The following EIF4EBP2 variants were observed in gnomAD, a reference collection of about 807,000 sequenced individuals.
EIF4EBP2 encodes eukaryotic translation initiation factor 4E-binding protein 2.
Under a neutral mutation model 10.3 loss-of-function variants are expected in EIF4EBP2, and 5 were observed. The observed-to-expected ratio is 0.48, with a 90% CI of 0.25 to 1.02. The LOEUF (loss-of-function observed/expected upper bound fraction) is 1.02, where lower values mean the gene tolerates loss of function less well. EIF4EBP2 is among the 50% of genes least tolerant of loss of function. The pLI, the probability that EIF4EBP2 is intolerant of heterozygous loss-of-function variation, is 0.15. For missense variants in EIF4EBP2, 188 were observed against 162.2 expected, an observed-to-expected ratio of 1.16 and a Z score of -0.86; for synonymous variants, 67 against 61.1, an observed-to-expected ratio of 1.10 and a Z score of -0.45.
intron 2 of EIF4EBP2, 66 bp downstream of exon 2, chr10:70,420,165 A>G: frequency 6.9e-7 from 1 of 1,446,714 alleles, no homozygotes; most frequent in South Asian, 1.4e-5. Context: ...TGTTTGCTGT[A>G]GGTTGAGAAG....
chr10:70,407,525 G>C (rs544599894), intron 1 of EIF4EBP2, among the ~76,000 whole-genome samples: 18 of 152,232 alleles, frequency 1.2e-4, no homozygotes, highest in African/African-American at 4.3e-4. Context: ...TTTCTACACA[G>C]ACACGGCAAC....
intron 1 of EIF4EBP2, among the ~76,000 whole-genome samples, chr10:70,410,553 T>TC (rs1446275689): frequency 6.6e-6 from 1 of 152,234 alleles, no homozygotes; most frequent in Non-Finnish European, 1.5e-5. Flanking sequence ...ATCCAGAGTC[T>TC]CCATGAAGAA....
chr10:70,419,267 T>A (rs1191109093), intron 1 of EIF4EBP2, among the ~76,000 whole-genome samples: 3 of 152,232 alleles, frequency 2.0e-5, no homozygotes, highest in African/African-American at 7.2e-5. Context: ...CATAACTGTT[T>A]ATCAGTTAAA....
chr10:70,408,975 A>G (rs554174211), intron 1 of EIF4EBP2, among the ~76,000 whole-genome samples: 1 of 152,368 alleles, frequency 6.6e-6, no homozygotes, highest in African/African-American at 2.4e-5. Flanking sequence ...AGGGTCACAT[A>G]CATGTCAGAG....
In EIF4EBP2 at chr10:70,404,401, C is replaced by CATGT; in HGVS notation, c.1_4dup (p.Ser2TyrfsTer33). The CATGT allele has an allele frequency of 6.3e-7, 1 of 1,580,362 alleles. No homozygotes were observed. Among genetic ancestry groups the CATGT allele is most frequent in the South Asian group, 1.1e-5 (1 of 87,760 alleles). ...AAAGCCGAGAGCCCGCGCCCACAGC[C>CATGT]ATGTCCTCGTCAGCCGGCAGCGGCC... On this transcript the variant is annotated 5_prime_UTR_variant, in exon 1 of 3. It adds an upstream start codon to the 5' untranslated region. Coordinates refer to ENST00000373218, the MANE Select transcript of EIF4EBP2 (RefSeq NM_004096.5).
At chr10:70,413,071 A>G (rs1845060960) in intron 1 of EIF4EBP2, among the ~76,000 whole-genome samples, 1 of 152,202 alleles carries the variant, frequency 6.6e-6, no homozygotes, top group African/African-American at 2.4e-5. Flanking sequence ...ACATTAGACA[A>G]TACTGTTAAC....
At chr10:70,420,229 T>A in intron 2 of EIF4EBP2, 130 bp downstream of exon 2, 1 of 884,302 alleles carries the variant, frequency 1.1e-6, no homozygotes, top group Non-Finnish European at 1.6e-6. Context: ...AGACACAGTC[T>A]CATTCTGTCA....
chr10:70,415,010 A>AT (rs1412406783), intron 1 of EIF4EBP2, among the ~76,000 whole-genome samples: 1 of 151,032 alleles, frequency 6.6e-6, no homozygotes, highest in Non-Finnish European at 1.5e-5. Flanking sequence ...TACAAAAATT[A>AT]TTTTTTTCTG....
chr10:70,418,374 A>G (rs1477793410), intron 1 of EIF4EBP2, among the ~76,000 whole-genome samples: 1 of 152,184 alleles, frequency 6.6e-6, no homozygotes, highest in Admixed American at 6.5e-5. Flanking sequence ...AAGCTGACTG[A>G]GTCATAGTAG....
chr10:70,414,505 G>A (rs1158141460), intron 1 of EIF4EBP2, among the ~76,000 whole-genome samples: 1 of 152,130 alleles, frequency 6.6e-6, no homozygotes, highest in African/African-American at 2.4e-5. Context: ...TCTTAGGAAT[G>A]CATTAAAAAA....
In EIF4EBP2 at chr10:70,406,157, A is replaced by AT. The variant is rs752264769; in HGVS notation, c.145+1615dup. Among the ~76,000 whole-genome samples, 7 of 152,062 alleles carry AT rather than the reference A, an allele frequency of 4.6e-5. No individual in the cohort carries two copies. In the South Asian group the frequency reaches 6.2e-4, roughly 14 times the overall value. ...CACCACGCCTGGCTAATTTTTTTGT[A>AT]TTTTGGTAGAGTCTGGGTTTCTCCA... is the stretch of plus-strand genomic sequence containing the variant. On this transcript the variant is annotated intron_variant, in intron 1 of 2. Coordinates refer to ENST00000373218, the MANE Select transcript of EIF4EBP2 (RefSeq NM_004096.5).
intron 1 of EIF4EBP2, among the ~76,000 whole-genome samples, chr10:70,419,709 G>A (rs1345433125): frequency 1.3e-5 from 2 of 152,092 alleles, no homozygotes; most frequent in Non-Finnish European, 2.9e-5. Context: ...GGATCAACAG[G>A]AGTGTCCCTG....
rs528181703 is a variant in EIF4EBP2, at chr10:70,421,015, T to C, written c.332-701T>C. Among the ~76,000 whole-genome samples the C allele has an allele frequency of 2.0e-5, 3 of 152,200 alleles. No individual in the cohort carries two copies. In the South Asian group the frequency reaches 6.2e-4, roughly 32 times the overall value. On this transcript the variant is annotated intron_variant, in intron 2 of 2. Coordinates refer to ENST00000373218, the MANE Select transcript of EIF4EBP2 (RefSeq NM_004096.5). ...TTTCACCATGTTAGCCAGGATGGTCTCGATCTCCTGACCTCGTGATCCGCC... is the reference window on the plus strand; with the variant it reads ...TTTCACCATGTTAGCCAGGATGGTCCCGATCTCCTGACCTCGTGATCCGCC...
At chr10:70,418,323 G>GT (rs1199037203) in intron 1 of EIF4EBP2, among the ~76,000 whole-genome samples, 1 of 152,228 alleles carries the variant, frequency 6.6e-6, no homozygotes, top group Non-Finnish European at 1.5e-5. Flanking sequence ...AATTTCTGTT[G>GT]TTTAAGTTGT....
chr10:70,418,691 T>C (rs376072606), intron 1 of EIF4EBP2, among the ~76,000 whole-genome samples: 186 of 152,332 alleles, frequency 1.2e-3, no homozygotes, highest in African/African-American at 4.4e-3. Flanking sequence ...TTGAACTAAG[T>C]TTTGTGCTAC....
In EIF4EBP2 at chr10:70,427,324, C is replaced by T. The variant is rs1405431676; in HGVS notation, c.*5577C>T. 6.6e-6 allele frequency: 1 copy of T among 152,178 alleles called. No individual in the cohort carries two copies. The highest frequency in any genetic ancestry group is 1.5e-5 in the Non-Finnish European group (1 of 68,046). 9.4% of individuals were successfully genotyped at this position (152,178 alleles called of 1,614,324 possible). ...GTTATCCCTACAGTTCTTTAACTCT[C>T]AGCTTTTAATAAAAGATGAAATCAG... On this transcript the variant is annotated 3_prime_UTR_variant, in exon 3 of 3. Transcript: ENST00000373218.
At chr10:70,408,681 G>A (rs72809253) in intron 1 of EIF4EBP2, among the ~76,000 whole-genome samples, 1,828 of 152,254 alleles carry the variant, frequency 0.012, 13 homozygotes, top group Middle Eastern at 0.031. Flanking sequence ...GTTAGGTATC[G>A]TTAGTAAATT....
chr10:70,423,465 G>T lies in EIF4EBP2; in HGVS notation c.*1718G>T, dbSNP rs568190495. 1 of 152,512 alleles carries T rather than the reference G, an allele frequency of 6.6e-6. No homozygotes were observed. The highest frequency in any genetic ancestry group is 6.6e-5 in the Admixed American group (1 of 15,266). 9.4% of individuals were successfully genotyped at this position (152,512 alleles called of 1,614,324 possible). A position where few individuals can be genotyped will look rare whatever the true frequency, so the allele number is the denominator to read the frequency against. The stretch of plus-strand genomic sequence containing the variant: ...GGCTGTTGAGCAGCATAATAATCCC[G>T]GGAGAATGATTCCCCTCATAGAAAG... On this transcript the variant is annotated 3_prime_UTR_variant, in exon 3 of 3. Coordinates refer to ENST00000373218, the MANE Select transcript of EIF4EBP2 (RefSeq NM_004096.5).
chr10:70,404,830 C>G (rs886214261), intron 1 of EIF4EBP2, among the ~76,000 whole-genome samples: 1 of 152,262 alleles, frequency 6.6e-6, no homozygotes, highest in Non-Finnish European at 1.5e-5. Flanking sequence ...CCAGTTCTCT[C>G]TCTCCTCTCT....
Sources: gnomAD v4.1 joint callset for allele counts (sites outside exome capture counted in the v4.1 genomes callset) on GRCh38, gnomAD v4.1.1 for gene constraint, MANE v1.5 for transcripts, NCBI Gene and HGNC (gene_info 2026-07-23, HGNC 2026-07-21) for gene names.